Variants in ZNF248 observed in about 807,000 individuals in gnomAD.
The protein encoded by ZNF248 is KRAB protein domain.
Under a neutral mutation model 44.3 loss-of-function variants are expected in ZNF248, and 20 were observed. That is an observed-to-expected ratio of 0.45 (90% CI 0.32 to 0.66). The LOEUF (loss-of-function observed/expected upper bound fraction) is 0.66. Ranked by LOEUF, ZNF248 falls within the 30% of genes least tolerant of loss-of-function variation. ZNF248 has a pLI of 0.04. For synonymous variants in ZNF248, 224 were observed against 229.0 expected (o/e 0.98, Z 0.20); for missense variants, 654 against 677.0 (o/e 0.97, Z 0.38).
At chr10:37,844,926 C>T (rs1207299214) in intron 3 of ZNF248, among the ~76,000 whole-genome samples, 2 of 146,206 alleles carry the variant, frequency 1.4e-5, no homozygotes, top group East Asian at 4.3e-4. Context: ...TTCCCTCTCC[C>T]CCTCCTCTTC....
chr10:37,769,075 G>A, the ZNF248 span, among the ~76,000 whole-genome samples: 2 of 152,166 alleles, frequency 1.3e-5, no homozygotes, highest in East Asian at 1.9e-4. Context: ...AAACCAGGAA[G>A]AAGTTGAATC....
chr10:37,792,073 A>C (rs1221171310), intron 6 of ZNF248: 1 of 152,160 alleles, frequency 6.6e-6, no homozygotes, highest in Non-Finnish European at 1.5e-5. Flanking sequence ...GAGGGTGACA[A>C]GGTACAAAGT....
chr10:37,806,083 C>A (rs1010555935), intron 6 of ZNF248, among the ~76,000 whole-genome samples: 7 of 152,172 alleles, frequency 4.6e-5, no homozygotes, highest in Non-Finnish European at 8.8e-5. Flanking sequence ...TGTGAACATA[C>A]TACAATTTGT....
chr10:37,765,192 G>C, the ZNF248 span, among the ~76,000 whole-genome samples: 11 of 152,014 alleles, frequency 7.2e-5, no homozygotes, highest in African/African-American at 2.7e-4. Context: ...CTTGACCTCA[G>C]GTGATCTGCC....
intron 6 of ZNF248, chr10:37,795,594 G>A (rs1284214964): frequency 6.6e-6 from 1 of 151,876 alleles, no homozygotes; most frequent in Non-Finnish European, 1.5e-5. Context: ...ATTTGAAGCT[G>A]AACACAGTAT....
intron 6 of ZNF248, among the ~76,000 whole-genome samples, chr10:37,823,151 T>C (rs1464738096): frequency 1.3e-5 from 2 of 151,754 alleles, no homozygotes; most frequent in African/African-American, 2.4e-5. Context: ...CTGGCCAACA[T>C]GGTAAAGCCC....
intron 3 of ZNF248, among the ~76,000 whole-genome samples, chr10:37,842,372 A>T (rs140318918): frequency 2.8e-3 from 424 of 152,300 alleles, no homozygotes; most frequent in Non-Finnish European, 4.0e-3. Flanking sequence ...TCAAAGGCTG[A>T]CCGCAACCAA....
chr10:37,807,378 C>A (rs1011611814), intron 6 of ZNF248, among the ~76,000 whole-genome samples: 1 of 152,010 alleles, frequency 6.6e-6, no homozygotes, highest in Non-Finnish European at 1.5e-5. Context: ...CAATGTTGTT[C>A]TTTATTAAAA....
In ZNF248 at chr10:37,828,980, A is replaced by G; in HGVS notation, c.*2635T>C. The G allele has an allele frequency of 3.0e-6, 3 of 985,496 alleles. No homozygotes were observed. Among genetic ancestry groups the G allele is most frequent in the Non-Finnish European group, 3.6e-6 (3 of 829,946 alleles). The allele number at this position is 985,496 out of a possible 1,614,324, so 61.0% of individuals were successfully genotyped here. On this transcript the variant is annotated 3_prime_UTR_variant, in exon 6 of 6. Transcript: ENST00000395867. Reference sequence around the variant, plus strand: ...CAGAAACACTTAACTTGCAACTAGTAGAATAACTTTATTTCTAACACTGAG... The same window carrying G: ...CAGAAACACTTAACTTGCAACTAGTGGAATAACTTTATTTCTAACACTGAG...
Position 37,828,769 on chromosome 10 carries a change from G to A in ZNF248, c.*2846C>T, listed in dbSNP as rs910132633. On this transcript the variant is annotated 3_prime_UTR_variant, in exon 6 of 6. Transcript: ENST00000395867. ...GGGTGAATTAATCAAACAGTGCAGG[G>A]ACAACTGGCTATTTATTTGGAAGAA... 21 of 985,212 alleles carry A rather than the reference G, an allele frequency of 2.1e-5. No individual in the cohort carries two copies. Among genetic ancestry groups the A allele is most frequent in the African/African-American group, 3.5e-5 (2 of 57,216 alleles). 61.0% of individuals were successfully genotyped at this position (985,212 alleles called of 1,614,324 possible).
chr10:37,846,143 A>G (rs930123437), intron 3 of ZNF248, among the ~76,000 whole-genome samples: 2 of 152,286 alleles, frequency 1.3e-5, no homozygotes, highest in Admixed American at 6.5e-5. Context: ...TCCTTGCCCA[A>G]TGCCCTGCAA....
the ZNF248 span, among the ~76,000 whole-genome samples, chr10:37,771,123 C>T: frequency 1.3e-5 from 2 of 152,180 alleles, no homozygotes; most frequent in African/African-American, 4.8e-5. Flanking sequence ...CAGGAAACAA[C>T]AGGTGCTGGA....
downstream of ZNF248, among the ~76,000 whole-genome samples, chr10:37,774,506 T>TA (rs2046429544): frequency 6.6e-6 from 1 of 152,136 alleles, no homozygotes; most frequent in African/African-American, 2.4e-5. Context: ...GTAAGAGTTA[T>TA]AAAACACCTG....
chr10:37,855,452 T>A (rs1304846212), intron 3 of ZNF248, among the ~76,000 whole-genome samples: 1 of 149,622 alleles, frequency 6.7e-6, no homozygotes, highest in African/African-American at 2.5e-5. Flanking sequence ...GGAAAAAAAA[T>A]GAAACCAGTC....
At chr10:37,767,255 A>G in the ZNF248 span, among the ~76,000 whole-genome samples, 3 of 152,174 alleles carry the variant, frequency 2.0e-5, no homozygotes, top group Non-Finnish European at 4.4e-5. Flanking sequence ...CAACGTTCAG[A>G]TTCAGGAAAT....
the ZNF248 span, among the ~76,000 whole-genome samples, chr10:37,763,553 A>G: frequency 6.6e-6 from 1 of 152,258 alleles, no homozygotes; most frequent in African/African-American, 2.4e-5. Context: ...TATTTCACAT[A>G]AAAGACTGTA....
rs191855597 is a variant in ZNF248 at position 37,850,137 on chromosome 10, G to A, written c.15+6159C>T. On this transcript the variant is annotated intron_variant, in intron 3 of 5. Transcript: ENST00000395867. ...CCTCTACCCCAAATGCCCAGCTAAG[G>A]GAGCCTAAAGCTCCTTGTATATTAA... Among the ~76,000 whole-genome samples, 104 of 152,206 alleles carry A rather than the reference G, an allele frequency of 6.8e-4. No individual in the cohort carries two copies. The East Asian group carries it at 0.017, about 25-fold the overall frequency.
chr10:37,820,849 G>A, intron 6 of ZNF248: 2 of 1,200,732 alleles, frequency 1.7e-6, no homozygotes, highest in Admixed American at 1.7e-5. Flanking sequence ...ATTCTGTTTT[G>A]CATGTATTTA....
At chr10:37,847,518 T>C (rs2059525843) in intron 3 of ZNF248, among the ~76,000 whole-genome samples, 1 of 152,204 alleles carries the variant, frequency 6.6e-6, no homozygotes, top group Non-Finnish European at 1.5e-5. Context: ...TACCAAGTTA[T>C]TTAGGGGTAA....
Sources: allele counts gnomAD v4.1 joint callset (sites outside exome capture counted in the v4.1 genomes callset), GRCh38; gene constraint gnomAD v4.1.1; transcripts MANE v1.5; gene names NCBI Gene and HGNC (gene_info 2026-07-23, HGNC 2026-07-21).